Variants in MACF1 observed in about 807,000 individuals in gnomAD.
MACF1 encodes microtubule-actin cross-linking factor 1.
A neutral mutation model predicts 854.8 loss-of-function variants in MACF1; 193 were observed. The ratio of observed to expected loss-of-function variants is 0.23; its 90% CI spans 0.20 to 0.25. The LOEUF (loss-of-function observed/expected upper bound fraction) is 0.25. MACF1 is among the 10% of genes least tolerant of loss of function. The probability of loss-of-function intolerance (pLI) is 1.00; values close to 1 mark genes in which losing one functional copy is unlikely to be tolerated. For missense variants in MACF1, 7,722 were observed against 8,929.1 expected (o/e 0.86, Z 5.45); for synonymous variants, 3,185 against 3,226.7 (o/e 0.99, Z 0.44).
chr1:39,191,412 G>T lies in MACF1; in HGVS notation c.221-39770G>T, dbSNP rs139792800. Among the ~76,000 whole-genome samples, 315 of 152,294 alleles carry T rather than the reference G, an allele frequency of 2.1e-3. 1 individual carries two copies. The highest frequency in any genetic ancestry group is 7.2e-3 in the African/African-American group (299 of 41,566). ...GTTTGCACTAACTCCATAGATTCAT[G>T]TCTGAAGGATTAGATACTCCAGGAA... On this transcript the variant is annotated intron_variant, in intron 2 of 93. Transcript: ENST00000361689.
Position 39,444,700 on chromosome 1 carries a change from T to C in MACF1, c.19470T>C (p.Tyr6490=), listed in dbSNP as rs543742947. Residue 6490 remains tyrosine, a synonymous_variant, in exon 80 of 101, where the codon TAT becomes TAC. Coordinates refer to ENST00000564288, the MANE Select transcript of MACF1 (RefSeq NM_001394062.1). Reference sequence around the variant, plus strand: ...AGCTGAAAGCCAAGGAAGAGACTTATAATCAACTACTTGACAAGGGCAGAC... The same window carrying C: ...AGCTGAAAGCCAAGGAAGAGACTTACAATCAACTACTTGACAAGGGCAGAC... ...YSQLKAKEET[Y]NQLLDKGRLM... 2.0e-5 allele frequency: 32 copies of C among 1,614,036 alleles called. No individual in the cohort carries two copies. The East Asian group carries it at 3.6e-4, about 18-fold the overall frequency.
At chr1:39,412,839 C>G in intron 58 of MACF1, 1 of 1,611,996 alleles carries the variant, frequency 6.2e-7, no homozygotes. Flanking sequence ...AGGAGGGTAC[C>G]TCAATTGCTG....
chr1:39,152,255 G>C (rs923089742), intron 2 of MACF1, among the ~76,000 whole-genome samples: 22 of 152,178 alleles, frequency 1.4e-4, no homozygotes, highest in African/African-American at 4.8e-4. Flanking sequence ...TTACAGGCAT[G>C]CAACACTGTG....
chr1:39,375,478 T>C (rs1244386984), intron 52 of MACF1, among the ~76,000 whole-genome samples: 1 of 152,084 alleles, frequency 6.6e-6, no homozygotes, highest in East Asian at 1.9e-4. Context: ...ATTTTTTGTA[T>C]TTTTAGTAGA....
At chr1:39,145,528 T>C (rs76228794) in intron 2 of MACF1, among the ~76,000 whole-genome samples, 2,839 of 152,202 alleles carry the variant, frequency 0.019, 94 homozygotes, top group African/African-American at 0.066. Context: ...GCTTTTTTTT[T>C]CTTTACCACC....
intron 2 of MACF1, among the ~76,000 whole-genome samples, chr1:39,194,801 C>T (rs1644301140): frequency 6.6e-6 from 1 of 150,658 alleles, no homozygotes; most frequent in Non-Finnish European, 1.5e-5. Flanking sequence ...GAGTGATTCT[C>T]CTGCCTCAGC....
rs1184839374 is a variant in MACF1 at position 39,111,689 on chromosome 1, A to AT, written c.220+27259dup. On this transcript the variant is annotated intron_variant, in intron 2 of 93. Coordinates refer to the MACF1 transcript ENST00000361689. ...AGCCACCGCACCTGGCAATTATTTT[A>AT]TTTTTTTTATAGAGATGGGATCTTG... is the stretch of plus-strand genomic sequence containing the variant. 5.9e-5 allele frequency among the ~76,000 whole-genome samples: 9 copies of AT among 151,614 alleles called. No individual in the cohort carries two copies. In the South Asian group the frequency reaches 8.3e-4, roughly 14 times the overall value.
At position 39,452,113 on chromosome 1, in the gene MACF1, A is replaced by G. The variant is rs148310856; in HGVS notation, c.20419-43A>G. Reference sequence around the variant, plus strand: ...ATTTCCCAGTGGTTTCTTGGACTCAAAACATTCCTTGAACAAACAAATTCT... The same window carrying G: ...ATTTCCCAGTGGTTTCTTGGACTCAGAACATTCCTTGAACAAACAAATTCT... On this transcript the variant is annotated intron_variant, in intron 85 of 100. Transcript: ENST00000564288. 1.7e-3 allele frequency: 2,506 copies of G among 1,511,924 alleles called. 37 individuals carry two copies. In the African/African-American group the frequency reaches 0.03, roughly 18 times the overall value. 93.7% of individuals were successfully genotyped at this position (1,511,924 alleles called of 1,614,324 possible).
chr1:39,200,758 A>G (rs1248942411), upstream of MACF1, among the ~76,000 whole-genome samples: 1 of 151,370 alleles, frequency 6.6e-6, no homozygotes, highest in Non-Finnish European at 1.5e-5. Flanking sequence ...CTCTAGATTC[A>G]TATATTCAAT....
intron 22 of MACF1, among the ~76,000 whole-genome samples, chr1:39,301,148 A>T (rs1189991552): frequency 2.0e-5 from 3 of 151,830 alleles, no homozygotes; most frequent in Non-Finnish European, 4.4e-5. Flanking sequence ...TTTATTTGAG[A>T]TGAAGTCTCG....
rs373705390 is a variant in MACF1, at chr1:39,393,867, A to G, written c.15816+5209A>G. 4.5e-3 allele frequency among the ~76,000 whole-genome samples: 598 copies of G among 134,106 alleles called. 4 individuals carry two copies. Among genetic ancestry groups the G allele is most frequent in the African/African-American group, 0.017 (543 of 31,296 alleles). 88.0% of individuals were successfully genotyped at this position (134,106 alleles called of 152,430 possible). A position where few individuals can be genotyped will look rare whatever the true frequency, so the allele number is the denominator to read the frequency against. On this transcript the variant is annotated intron_variant, in intron 58 of 100. Transcript: ENST00000564288. ...GGAGGGAGAGAGAGAGAGAGAGAGA[A>G]AGAAAGAGAGAAAGAAAAGAAAGGA...
intron 70 of MACF1, chr1:39,436,131 C>A: frequency 5.0e-6 from 2 of 402,166 alleles, no homozygotes; most frequent in South Asian, 4.5e-5. Context: ...AGAGCAACAG[C>A]ACATTAGTTT....
intron 2 of MACF1, among the ~76,000 whole-genome samples, chr1:39,190,395 G>GTT (rs750262685): frequency 0.24 from 18,882 of 77,086 alleles, 3,468 homozygotes; most frequent in South Asian, 0.31. Context: ...GTGTGTGTTT[G>GTT]TTTTTGTTTT....
chr1:39,238,318 GC>G lies in MACF1; in HGVS notation c.171+7076del, dbSNP rs199942099. Among the ~76,000 whole-genome samples, 1,425 of 152,292 alleles carry G rather than the reference GC, an allele frequency of 9.4e-3. 26 individuals carry two copies. Among genetic ancestry groups the G allele is most frequent in the African/African-American group, 0.033 (1,353 of 41,562 alleles). On this transcript the variant is annotated intron_variant, in intron 2 of 100. Transcript: ENST00000564288. ...GGGTTTGAGGGGTTGTCTTATCTAAGCTCCTTCCTTCACACTTGTCTCCTAG... is the reference window on the plus strand; with the variant it reads ...GGGTTTGAGGGGTTGTCTTATCTAAGTCCTTCCTTCACACTTGTCTCCTAG...
chr1:39,454,573 G>A (rs554477220), intron 88 of MACF1, among the ~76,000 whole-genome samples: 5 of 152,220 alleles, frequency 3.3e-5, no homozygotes, highest in African/African-American at 7.2e-5. Context: ...GGCTTGAGGC[G>A]GTCAGATTAC....
chr1:39,289,769 G>A (rs1160886139), intron 15 of MACF1, among the ~76,000 whole-genome samples: 6 of 125,844 alleles, frequency 4.8e-5, no homozygotes, highest in Non-Finnish European at 9.5e-5. Context: ...GTGCAATGGC[G>A]CAATCTCGGC....
intron 2 of MACF1, among the ~76,000 whole-genome samples, chr1:39,176,854 C>G (rs1644036483): frequency 6.6e-6 from 1 of 152,188 alleles, no homozygotes; most frequent in Non-Finnish European, 1.5e-5. Context: ...GCCTTTCCTC[C>G]AAATCACATT....
intron 52 of MACF1, among the ~76,000 whole-genome samples, chr1:39,374,578 A>G (rs1649547858): frequency 6.6e-6 from 1 of 152,158 alleles, no homozygotes; most frequent in African/African-American, 2.4e-5. Context: ...TGCAGGGTAT[A>G]TGGTCTCTGT....
At chr1:39,329,251 CAT>C (rs1172878059) in intron 36 of MACF1, among the ~76,000 whole-genome samples, 1 of 152,126 alleles carries the variant, frequency 6.6e-6, no homozygotes, top group African/African-American at 2.4e-5. Flanking sequence ...TGATTGAACA[CAT>C]ATGTAGAAAT....
Sources: allele counts gnomAD v4.1 joint callset (sites outside exome capture counted in the v4.1 genomes callset), GRCh38; gene constraint gnomAD v4.1.1; transcripts MANE v1.5; gene names NCBI Gene and HGNC (gene_info 2026-07-23, HGNC 2026-07-21).